The following CSMD3 variants were observed in gnomAD, a reference collection of about 807,000 sequenced individuals.
The protein encoded by CSMD3 is CUB and Sushi multiple domains 3.
In CSMD3, 177 loss-of-function variants were observed where a neutral mutation model predicts 435.2. The ratio of observed to expected loss-of-function variants is 0.41; its 90% CI spans 0.36 to 0.46. The LOEUF (loss-of-function observed/expected upper bound fraction) is 0.46, where lower values mean the gene tolerates loss of function less well. CSMD3 is among the 20% of genes least tolerant of loss of function. The probability of loss-of-function intolerance (pLI) is 0.34; values close to 1 mark genes in which losing one functional copy is unlikely to be tolerated. For synonymous variants in CSMD3, 1,656 were observed against 1,520.5 expected (o/e 1.09, Z -2.07); for missense variants, 4,265 against 4,504.6 (o/e 0.95, Z 1.52).
intron 4 of CSMD3, among the ~76,000 whole-genome samples, chr8:113,135,481 T>C (rs918443651): frequency 4.6e-5 from 7 of 151,820 alleles, no homozygotes; most frequent in African/African-American, 1.7e-4. Flanking sequence ...AAATGGCTTT[T>C]TGAAACTCAA....
intron 1 of CSMD3, among the ~76,000 whole-genome samples, chr8:113,379,096 G>A (rs2094403435): frequency 6.6e-6 from 1 of 151,964 alleles, no homozygotes; most frequent in East Asian, 1.9e-4. Flanking sequence ...CATTACTCTG[G>A]GAAATAGTGG....
chr8:112,679,003 G>GTT (rs1404559437), intron 16 of CSMD3, among the ~76,000 whole-genome samples: 1 of 151,010 alleles, frequency 6.6e-6, no homozygotes, highest in African/African-American at 2.4e-5. Context: ...AAGGAGACAG[G>GTT]AGGAGTAGCC....
chr8:113,002,828 TTG>T (rs1367520254), intron 6 of CSMD3, among the ~76,000 whole-genome samples: 2 of 152,156 alleles, frequency 1.3e-5, no homozygotes, highest in African/African-American at 4.8e-5. Flanking sequence ...CAATTGACCT[TTG>T]TGTTTTTATA....
chr8:112,590,818 C>A (rs1259381869), intron 22 of CSMD3, among the ~76,000 whole-genome samples: 6 of 151,980 alleles, frequency 3.9e-5, no homozygotes, highest in African/African-American at 7.3e-5. Flanking sequence ...CTTCTTCCTA[C>A]CTTAACATAA....
chr8:112,788,716 TA>T (rs1193229437), intron 13 of CSMD3, among the ~76,000 whole-genome samples: 1 of 152,130 alleles, frequency 6.6e-6, no homozygotes, highest in Non-Finnish European at 1.5e-5. Flanking sequence ...TAAATTGACA[TA>T]ACTTTTAATA....
intron 6 of CSMD3, among the ~76,000 whole-genome samples, chr8:112,981,671 A>G (rs370843667): frequency 6.6e-6 from 1 of 151,700 alleles, no homozygotes; most frequent in East Asian, 1.9e-4. Context: ...TCACTTTGTG[A>G]CTAAATTAAT....
chr8:113,142,765 C>T (rs1314694263), intron 4 of CSMD3, among the ~76,000 whole-genome samples: 4 of 150,286 alleles, frequency 2.7e-5, no homozygotes, highest in Non-Finnish European at 6.0e-5. Flanking sequence ...ATTTATAACG[C>T]AAAGAAAGGG....
intron 1 of CSMD3, among the ~76,000 whole-genome samples, chr8:113,395,077 A>T (rs1188554545): frequency 7.1e-6 from 1 of 141,822 alleles, no homozygotes; most frequent in African/African-American, 2.5e-5. Flanking sequence ...ATACTGTTTT[A>T]GTGACTATTT....
At chr8:113,435,614 C>T (rs2094701023) in intron 1 of CSMD3, among the ~76,000 whole-genome samples, 1 of 151,828 alleles carries the variant, frequency 6.6e-6, no homozygotes, top group Non-Finnish European at 1.5e-5. Flanking sequence ...TCCCGCGATC[C>T]CCCGCCCCCC....
intron 17 of CSMD3, among the ~76,000 whole-genome samples, chr8:112,665,128 C>A (rs956712885): frequency 2.0e-5 from 3 of 152,062 alleles, no homozygotes; most frequent in African/African-American, 4.8e-5. Context: ...CAGTAACAGG[C>A]CACCGACTGA....
chr8:112,799,924 A>T (rs1391427810), intron 13 of CSMD3, among the ~76,000 whole-genome samples: 1 of 151,926 alleles, frequency 6.6e-6, no homozygotes, highest in Non-Finnish European at 1.5e-5. Context: ...AGGATAGTAT[A>T]ATATACTGGG....
chr8:113,193,824 T>C (rs1469415239), intron 3 of CSMD3, among the ~76,000 whole-genome samples: 1 of 151,402 alleles, frequency 6.6e-6, no homozygotes, highest in East Asian at 1.9e-4. Context: ...TTGTGACATA[T>C]GCAATCTTGT....
At chr8:112,386,861 AGTT>A (rs1830021244) in intron 36 of CSMD3, among the ~76,000 whole-genome samples, 1 of 152,210 alleles carries the variant, frequency 6.6e-6, no homozygotes, top group Admixed American at 6.5e-5. Context: ...CGTTAGATAT[AGTT>A]GTCCATCATG....
chr8:112,939,087 G>A (rs997596106), intron 9 of CSMD3, among the ~76,000 whole-genome samples: 15 of 152,172 alleles, frequency 9.9e-5, no homozygotes, highest in South Asian at 4.1e-4. Context: ...TTTGATCAAG[G>A]AGTATTATTG....
chr8:113,278,467 T>G, intron 3 of CSMD3, 125 bp downstream of exon 3: 1 of 658,592 alleles, frequency 1.5e-6, no homozygotes, highest in Non-Finnish European at 2.8e-6. Flanking sequence ...AATAACAAGA[T>G]AAATTTCAGG....
intron 16 of CSMD3, among the ~76,000 whole-genome samples, chr8:112,681,785 G>C (rs1586956934): frequency 6.6e-6 from 1 of 151,910 alleles, no homozygotes; most frequent in South Asian, 2.1e-4. Flanking sequence ...GAGAATTGCT[G>C]GAACCTGGGA....
intron 17 of CSMD3, among the ~76,000 whole-genome samples, chr8:112,664,526 A>C (rs1232667005): frequency 1.3e-5 from 2 of 152,208 alleles, no homozygotes; most frequent in Non-Finnish European, 2.9e-5. Flanking sequence ...AACAACAACA[A>C]AATGCCAAAT....
chr8:113,027,473 G>A (rs1165603845), intron 5 of CSMD3, among the ~76,000 whole-genome samples: 1 of 152,128 alleles, frequency 6.6e-6, no homozygotes, highest in Non-Finnish European at 1.5e-5. Context: ...CATGTATGTA[G>A]AGTGTACAGA....
chr8:113,212,093 A>G (rs2092842646), intron 3 of CSMD3, among the ~76,000 whole-genome samples: 1 of 152,176 alleles, frequency 6.6e-6, no homozygotes, highest in Non-Finnish European at 1.5e-5. Context: ...AGACTAGATC[A>G]AAAGAGACCC....
Sources: gnomAD v4.1 joint callset for allele counts (sites outside exome capture counted in the v4.1 genomes callset) on GRCh38, gnomAD v4.1.1 for gene constraint, MANE v1.5 for transcripts, NCBI Gene and HGNC (gene_info 2026-07-23, HGNC 2026-07-21) for gene names.